Variants in MBTPS2 observed in about 807,000 individuals in gnomAD.
MBTPS2 encodes membrane-bound transcription factor site-2 protease.
MBTPS2 carries 2 observed loss-of-function variants against 35.4 expected under a neutral mutation model. That is an observed-to-expected ratio of 0.06 (90% CI 0.02 to 0.18). The LOEUF (loss-of-function observed/expected upper bound fraction) is 0.18. Ranked by LOEUF, MBTPS2 falls within the 10% of genes least tolerant of loss-of-function variation. The pLI is 1.00. For missense variants in MBTPS2, 244 were observed against 386.5 expected (o/e 0.63, Z 3.09); for synonymous variants, 125 against 140.4 (o/e 0.89, Z 0.77).
chrX:21,848,557 G>A (rs2092911072), intron 3 of MBTPS2, among the ~76,000 whole-genome samples: 1 of 110,243 alleles, frequency 9.1e-6, no homozygotes, highest in African/African-American at 3.3e-5. Flanking sequence ...GCGGACGCAT[G>A]TAGTCCCAGC....
intron 5 of MBTPS2, among the ~76,000 whole-genome samples, chrX:21,867,385 A>T (rs1167082270): frequency 5.4e-5 from 6 of 111,925 alleles, no homozygotes; most frequent in African/African-American, 1.9e-4. Flanking sequence ...TCCAAATGGT[A>T]AAAGATTTAA....
chrX:21,869,224 G>A (rs762400844), intron 6 of MBTPS2, among the ~76,000 whole-genome samples: 27 of 112,151 alleles, frequency 2.4e-4, no homozygotes, highest in Non-Finnish European at 4.1e-4. Context: ...TTAATTGGCA[G>A]TTTGGGAAAA....
At chrX:21,845,146 A>T in intron 2 of MBTPS2, 25 bp from the exon 3 acceptor site, 6 of 1,210,331 alleles carry the variant, frequency 5.0e-6, no homozygotes, top group Non-Finnish European at 6.7e-6. Context: ...TTGTAAATTA[A>T]CATGATTTTT....
Position 21,839,720 on chromosome X carries a change from G to T in MBTPS2, c.-15G>T, listed in dbSNP as rs755536546. 2.6e-5 allele frequency: 31 copies of T among 1,172,189 alleles called. No individual in the cohort carries two copies. The highest frequency in any genetic ancestry group is 3.4e-5 in the Non-Finnish European group (30 of 875,513). On this transcript the variant is annotated 5_prime_UTR_variant, in exon 1 of 11. Transcript: ENST00000379484. ...CGCCGGGGCTCGCCTTCCCTCCTCT[G>T]CCGCCGCTGCCGCCATGATTCCGGT... is the stretch of plus-strand genomic sequence containing the variant.
chrX:21,843,015 T>C (rs764083724), intron 1 of MBTPS2, among the ~76,000 whole-genome samples, 155 bp from the exon 2 acceptor site: 1 of 112,967 alleles, frequency 8.9e-6, no homozygotes, highest in African/African-American at 3.2e-5. Flanking sequence ...CTGTGACCTT[T>C]AATATTCTGA....
At chrX:21,843,988 G>A (rs2092905673) in intron 2 of MBTPS2, among the ~76,000 whole-genome samples, 1 of 107,864 alleles carries the variant, frequency 9.3e-6, no homozygotes, top group Non-Finnish European at 1.9e-5. Context: ...GGTGGCGCAC[G>A]TGGTCCCAGC....
At chrX:21,864,575 A>C (rs2092937241) in intron 5 of MBTPS2, among the ~76,000 whole-genome samples, 2 of 111,359 alleles carry the variant, frequency 1.8e-5, no homozygotes, top group Admixed American at 1.9e-4. Flanking sequence ...TAATCCCAAC[A>C]CTTTGGGAGG....
chrX:21,880,687 G>A (rs972464392), intron 9 of MBTPS2, among the ~76,000 whole-genome samples: 17 of 111,760 alleles, frequency 1.5e-4, no homozygotes, highest in African/African-American at 5.5e-4. Context: ...TACACACTGG[G>A]ACGTATTTTT....
intron 5 of MBTPS2, chrX:21,857,716 A>G (rs2092925332): frequency 2.4e-6 from 2 of 845,876 alleles, no homozygotes; most frequent in Admixed American, 3.3e-5. Context: ...AAAAAAATGA[A>G]TCCTGCACAT....
rs201602393 is a variant in MBTPS2, at chrX:21,867,034, A to G, written c.671-1433A>G. Among the ~76,000 whole-genome samples, 89 of 42,144 alleles carry G rather than the reference A, an allele frequency of 2.1e-3. 1 individual carries two copies. Among genetic ancestry groups the G allele is most frequent in the Non-Finnish European group, 2.8e-3 (67 of 23,539 alleles). 36.6% of individuals were successfully genotyped at this position (42,144 alleles called of 115,157 possible). A position where few individuals can be genotyped will look rare whatever the true frequency, so the allele number is the denominator to read the frequency against. ...TCTGTCTCAAAAAAAAAAAAAAAGA[A>G]AAAAAGAAAAAAAATCCTAATTTGA... On this transcript the variant is annotated intron_variant, in intron 5 of 10. Transcript: ENST00000379484.
intron 5 of MBTPS2, among the ~76,000 whole-genome samples, chrX:21,853,870 GAA>G (rs756736829): frequency 1.8e-5 from 2 of 110,944 alleles, no homozygotes; most frequent in African/African-American, 6.5e-5. Context: ...TCCAGGAATG[GAA>G]AAAAAGGGTT....
chrX:21,848,329 G>A (rs182521499), intron 3 of MBTPS2, among the ~76,000 whole-genome samples: 242 of 109,728 alleles, frequency 2.2e-3, no homozygotes, highest in Non-Finnish European at 3.7e-3. Context: ...TGAAGCAGGA[G>A]AACTGCCTGA....
intron 7 of MBTPS2, chrX:21,869,929 T>G (rs2092945101): frequency 3.1e-6 from 1 of 327,056 alleles, no homozygotes. Flanking sequence ...TCTAATATTT[T>G]CTGCTTTCAA....
intron 7 of MBTPS2, chrX:21,872,698 A>T (rs1442681136): frequency 9.1e-6 from 1 of 110,081 alleles, no homozygotes; most frequent in Non-Finnish European, 1.9e-5. Flanking sequence ...CACTTAAAAT[A>T]CATACTATGG....
In MBTPS2 at chrX:21,865,197, T is replaced by TA. The variant is rs147383898; in HGVS notation, c.671-3257dup. Among the ~76,000 whole-genome samples the TA allele has an allele frequency of 3.1e-3, 308 of 99,599 alleles. 1 individual carries two copies. The highest frequency in any genetic ancestry group is 0.028 in the South Asian group (63 of 2,233). 86.5% of individuals were successfully genotyped at this position (99,599 alleles called of 115,157 possible). A position where few individuals can be genotyped will look rare whatever the true frequency, so the allele number is the denominator to read the frequency against. ...GAGCTACCACACGGGGCTATTTCTTTAAAAAAAAAAAAATGAAATATATAC... is the reference window on the plus strand; with the variant it reads ...GAGCTACCACACGGGGCTATTTCTTTAAAAAAAAAAAAAATGAAATATATAC... On this transcript the variant is annotated intron_variant, in intron 5 of 10. Transcript: ENST00000379484.
intron 5 of MBTPS2, among the ~76,000 whole-genome samples, chrX:21,866,773 T>C (rs2092940324): frequency 9.0e-6 from 1 of 110,725 alleles, no homozygotes; most frequent in African/African-American, 3.3e-5. Flanking sequence ...ACACCTGTAA[T>C]CCTAGCGCTT....
At chrX:21,852,721 T>G (rs1187419991) in intron 4 of MBTPS2, among the ~76,000 whole-genome samples, 1 of 110,767 alleles carries the variant, frequency 9.0e-6, no homozygotes, top group Non-Finnish European at 1.9e-5. Flanking sequence ...TAGGTGATAC[T>G]TTTTTCTAGG....
intron 2 of MBTPS2, among the ~76,000 whole-genome samples, chrX:21,844,514 A>G (rs1448327932): frequency 8.9e-6 from 1 of 112,000 alleles, no homozygotes; most frequent in African/African-American, 3.2e-5. Context: ...ACCCTGTCTC[A>G]AAAACAAAAA....
Position 21,869,911 on chromosome X carries a change from T to A in MBTPS2, c.970+233T>A, listed in dbSNP as rs912260641. 58 of 353,883 alleles carry A rather than the reference T, an allele frequency of 1.6e-4. No homozygotes were observed. The Admixed American group carries it at 2.5e-3, about 15-fold the overall frequency. 29.2% of individuals were successfully genotyped at this position (353,883 alleles called of 1,213,427 possible). ...TATTTTCATTATATCATATTTAACTTTTAGGACTCTAATATTTTCTGCTTT... is the reference window on the plus strand; with the variant it reads ...TATTTTCATTATATCATATTTAACTATTAGGACTCTAATATTTTCTGCTTT... On this transcript the variant is annotated intron_variant, in intron 7 of 10. Transcript: ENST00000379484.
Sources: gnomAD v4.1 joint callset for allele counts (sites outside exome capture counted in the v4.1 genomes callset) on GRCh38, gnomAD v4.1.1 for gene constraint, MANE v1.5 for transcripts, NCBI Gene and HGNC (gene_info 2026-07-23, HGNC 2026-07-21) for gene names.